The following BNC2 variants were observed in gnomAD, a reference collection of about 807,000 sequenced individuals.
BNC2 encodes basonuclin zinc finger protein 2.
A neutral mutation model predicts 76.3 loss-of-function variants in BNC2; 20 were observed. The observed-to-expected ratio is 0.26, with a 90% CI of 0.18 to 0.38. The LOEUF is 0.38. Among genes scored for constraint, BNC2 ranks in the 10% least tolerant of loss-of-function variants. The pLI is 1.00. For synonymous variants in BNC2, 582 were observed against 514.8 expected, an observed-to-expected ratio of 1.13 and a Z score of -1.77; for missense variants, 1,382 against 1,399.8, an observed-to-expected ratio of 0.99 and a Z score of 0.20.
At chr9:16,779,572 T>C (rs1202851614) in intron 1 of BNC2, among the ~76,000 whole-genome samples, 1 of 152,192 alleles carries the variant, frequency 6.6e-6, no homozygotes, top group Non-Finnish European at 1.5e-5. Flanking sequence ...CCCAAGCTGA[T>C]TTACATATTT....
rs5896700 is a variant in BNC2, at chr9:16,701,938, C to CAAA, written c.330+25856_330+25858dup. Among the ~76,000 whole-genome samples, 13 of 91,420 alleles carry CAAA rather than the reference C, an allele frequency of 1.4e-4. 1 individual carries two copies. Among genetic ancestry groups the CAAA allele is most frequent in the Non-Finnish European group, 1.9e-4 (10 of 52,610 alleles). 60.0% of individuals were successfully genotyped at this position (91,420 alleles called of 152,430 possible). ...GCCTGGGTGACAGAACGAGACTCTC[C>CAAA]AAAAAAAAAAAAAAAAAAAGACCAA... On this transcript the variant is annotated intron_variant, in intron 3 of 6. Coordinates refer to ENST00000380672, the MANE Select transcript of BNC2 (RefSeq NM_017637.6).
chr9:16,823,168 G>C (rs1586912602), intron 1 of BNC2, among the ~76,000 whole-genome samples: 1 of 152,122 alleles, frequency 6.6e-6, no homozygotes, highest in Non-Finnish European at 1.5e-5. Context: ...ACAGTAAATA[G>C]TTTATTAAAA....
chr9:16,456,000 G>C (rs1320924904), intron 5 of BNC2, among the ~76,000 whole-genome samples: 1 of 152,098 alleles, frequency 6.6e-6, no homozygotes, highest in East Asian at 1.9e-4. Context: ...TGCAATGAAA[G>C]AGCTCAAGCC....
intron 3 of BNC2, among the ~76,000 whole-genome samples, chr9:16,613,367 A>C (rs979434533): frequency 2.6e-5 from 4 of 152,228 alleles, no homozygotes; most frequent in African/African-American, 4.8e-5. Flanking sequence ...TTGTGCTTGC[A>C]ACCCAGAAAA....
intron 4 of BNC2, among the ~76,000 whole-genome samples, chr9:16,558,007 C>A (rs73417482): frequency 0.06 from 9,142 of 152,052 alleles, 969 homozygotes; most frequent in African/African-American, 0.21. Flanking sequence ...CCATACCCAG[C>A]TAATTTTTCT....
At chr9:16,550,362 C>T (rs1054071661) in intron 5 of BNC2, among the ~76,000 whole-genome samples, 5 of 152,074 alleles carry the variant, frequency 3.3e-5, no homozygotes, top group African/African-American at 1.2e-4. Flanking sequence ...GATTTGACAC[C>T]CCTGCTAAAT....
At chr9:16,563,203 A>G (rs1276224716) in intron 4 of BNC2, among the ~76,000 whole-genome samples, 1 of 152,218 alleles carries the variant, frequency 6.6e-6, no homozygotes, top group South Asian at 2.1e-4. Context: ...AGATAAAAGC[A>G]TTTTGTTAAA....
intron 1 of BNC2, among the ~76,000 whole-genome samples, chr9:16,783,042 C>T (rs1826197048): frequency 6.6e-6 from 1 of 152,046 alleles, no homozygotes; most frequent in African/African-American, 2.4e-5. Context: ...CTTGTGTTTT[C>T]AGAGTTCAAA....
At chr9:16,453,545 T>C (rs1821385341) in intron 5 of BNC2, among the ~76,000 whole-genome samples, 2 of 152,206 alleles carry the variant, frequency 1.3e-5, no homozygotes, top group African/African-American at 4.8e-5. Flanking sequence ...TGATAGGTGC[T>C]CATTGTTTCC....
Position 16,730,414 on chromosome 9 carries a change from C to A in BNC2, c.130-2417G>T, listed in dbSNP as rs192405271. Among the ~76,000 whole-genome samples, 23 of 152,298 alleles carry A rather than the reference C, an allele frequency of 1.5e-4. No individual in the cohort carries two copies. In the East Asian group the frequency reaches 4.1e-3, roughly 27 times the overall value. ...ACAAAACAAAGGGCTAATTTGGAGACCCTGCTGTGAACAATCTGTAACAGA... is the reference window on the plus strand; with the variant it reads ...ACAAAACAAAGGGCTAATTTGGAGAACCTGCTGTGAACAATCTGTAACAGA... On this transcript the variant is annotated intron_variant, in intron 2 of 6. Coordinates refer to ENST00000380672, the MANE Select transcript of BNC2 (RefSeq NM_017637.6).
At chr9:16,492,810 CTG>C (rs1822306248) in intron 5 of BNC2, among the ~76,000 whole-genome samples, 1 of 151,028 alleles carries the variant, frequency 6.6e-6, no homozygotes, top group Admixed American at 6.6e-5. Flanking sequence ...TCACAGAACA[CTG>C]CTGCTAAAAT....
At chr9:16,533,951 T>C (rs749077162) in intron 5 of BNC2, among the ~76,000 whole-genome samples, 45 of 151,906 alleles carry the variant, frequency 3.0e-4, no homozygotes, top group South Asian at 1.5e-3. Context: ...CAGATTTCAA[T>C]GTAACTACAA....
At chr9:16,671,140 T>C (rs1016370919) in intron 3 of BNC2, among the ~76,000 whole-genome samples, 3 of 152,182 alleles carry the variant, frequency 2.0e-5, no homozygotes, top group Non-Finnish European at 4.4e-5. Flanking sequence ...CAGTAATTCA[T>C]CTTTGTGTTG....
chr9:16,776,445 G>T lies in BNC2; in HGVS notation c.4-37960C>A, dbSNP rs537386587. 3.0e-4 allele frequency among the ~76,000 whole-genome samples: 45 copies of T among 152,164 alleles called. 2 individuals are homozygous for T. In the Middle Eastern group the frequency reaches 0.014, roughly 46 times the overall value. On this transcript the variant is annotated intron_variant, in intron 1 of 6. Transcript: ENST00000380672. ...GTGACCCACAGCGCCCAGCCACCTT[G>T]ATTTATTTAAATTCAGATTAAAATT...
At chr9:16,561,050 C>T (rs1052666322) in intron 4 of BNC2, among the ~76,000 whole-genome samples, 4 of 151,906 alleles carry the variant, frequency 2.6e-5, no homozygotes, top group Non-Finnish European at 4.4e-5. Flanking sequence ...ACCAGCCTGG[C>T]GAATATAGTG....
chr9:16,742,849 T>C (rs1824889822), intron 1 of BNC2, among the ~76,000 whole-genome samples: 1 of 151,990 alleles, frequency 6.6e-6, no homozygotes. Context: ...GCAATAAGAG[T>C]CAATAAACTA....
intron 5 of BNC2, among the ~76,000 whole-genome samples, chr9:16,498,935 T>C (rs756907281): frequency 2.7e-4 from 41 of 152,256 alleles, no homozygotes; most frequent in East Asian, 1.9e-4. Flanking sequence ...TAGAATAATG[T>C]GAATACAAAC....
At chr9:16,461,875 C>G (rs76188577) in intron 5 of BNC2, among the ~76,000 whole-genome samples, 1 of 152,338 alleles carries the variant, frequency 6.6e-6, no homozygotes, top group African/African-American at 2.4e-5. Flanking sequence ...AGCCTGCTCA[C>G]TTCTCATGTG....
chr9:16,662,937 C>T (rs77409798), intron 3 of BNC2, among the ~76,000 whole-genome samples: 3,192 of 152,144 alleles, frequency 0.021, 51 homozygotes, highest in South Asian at 0.076. Flanking sequence ...GTGCCTTAAA[C>T]AGTAGTAGCA....
Sources: gnomAD v4.1 joint callset for allele counts (sites outside exome capture counted in the v4.1 genomes callset) on GRCh38, gnomAD v4.1.1 for gene constraint, MANE v1.5 for transcripts, NCBI Gene and HGNC (gene_info 2026-07-23, HGNC 2026-07-21) for gene names.